PEX5L: variants seen among roughly 807,000 people sequenced by gnomAD.
PEX5L encodes peroxisomal biogenesis factor 5 like.
PEX5L carries 30 observed loss-of-function variants against 84.0 expected under a neutral mutation model. The observed-to-expected ratio is 0.36, with a 90% CI of 0.27 to 0.48. PEX5L has a LOEUF of 0.48. Among genes scored for constraint, PEX5L ranks in the 20% least tolerant of loss-of-function variants. The probability of loss-of-function intolerance (pLI) is 0.99; values close to 1 mark genes in which losing one functional copy is unlikely to be tolerated. For synonymous variants in PEX5L, 270 were observed against 283.1 expected (o/e 0.95, Z 0.46); for missense variants, 533 against 754.6 (o/e 0.71, Z 3.44).
intron 1 of PEX5L, among the ~76,000 whole-genome samples, chr3:179,975,522 A>G (rs951863483): frequency 6.6e-6 from 1 of 152,222 alleles, no homozygotes; most frequent in African/African-American, 2.4e-5. Context: ...GCCTAACTAC[A>G]GATGTCAAAA....
At chr3:179,826,167 T>C (rs182963588) in intron 8 of PEX5L, among the ~76,000 whole-genome samples, 2 of 152,088 alleles carry the variant, frequency 1.3e-5, no homozygotes, top group East Asian at 3.9e-4. Flanking sequence ...ATAAACAATA[T>C]AAGGTTCAAG....
At chr3:179,936,775 C>T (rs1282947500) in intron 2 of PEX5L, among the ~76,000 whole-genome samples, 2 of 104,446 alleles carry the variant, frequency 1.9e-5, no homozygotes, top group African/African-American at 7.3e-5. Context: ...GAGCCACCAG[C>T]CTTTCTCTGT....
intron 3 of PEX5L, among the ~76,000 whole-genome samples, chr3:179,891,196 T>C (rs1757516789): frequency 6.6e-6 from 1 of 152,168 alleles, no homozygotes; most frequent in African/African-American, 2.4e-5. Flanking sequence ...GTCTTGTTTC[T>C]GACCATAGTT....
intron 8 of PEX5L, among the ~76,000 whole-genome samples, chr3:179,845,756 T>C (rs2108377271): frequency 6.6e-6 from 1 of 152,300 alleles, no homozygotes; most frequent in Admixed American, 6.5e-5. Context: ...CAGCCCCTTC[T>C]CCACCATGAT....
chr3:179,902,745 T>C (rs919507493), intron 2 of PEX5L: 10 of 438,476 alleles, frequency 2.3e-5, no homozygotes, highest in Admixed American at 5.2e-5. Context: ...TAGTTGCAGA[T>C]TCTATTACTG....
intron 8 of PEX5L, among the ~76,000 whole-genome samples, chr3:179,853,408 G>C (rs1742691188): frequency 6.6e-6 from 1 of 152,156 alleles, no homozygotes; most frequent in Non-Finnish European, 1.5e-5. Context: ...TTGGCTTGTG[G>C]TTGCAGTGTG....
chr3:179,907,213 A>T (rs185768952), intron 2 of PEX5L, among the ~76,000 whole-genome samples: 44 of 148,744 alleles, frequency 3.0e-4, no homozygotes, highest in East Asian at 1.8e-3. Context: ...ATACCAAATT[A>T]AAAAAAAAAG....
intron 8 of PEX5L, among the ~76,000 whole-genome samples, chr3:179,836,340 T>C (rs1250409346): frequency 1.3e-5 from 2 of 152,214 alleles, no homozygotes; most frequent in African/African-American, 4.8e-5. Flanking sequence ...AGTAGAACTT[T>C]ACTGTGCACA....
intron 8 of PEX5L, among the ~76,000 whole-genome samples, chr3:179,835,699 T>C (rs1734686257): frequency 6.6e-6 from 1 of 152,190 alleles, no homozygotes; most frequent in Admixed American, 6.5e-5. Context: ...ACATTTTAAC[T>C]AAATATTTAA....
chr3:179,893,904 G>C (rs1280263839), intron 3 of PEX5L, among the ~76,000 whole-genome samples: 1 of 151,836 alleles, frequency 6.6e-6, no homozygotes, highest in African/African-American at 2.4e-5. Flanking sequence ...AAATATCTTT[G>C]TGAGTTTTGA....
intron 1 of PEX5L, among the ~76,000 whole-genome samples, chr3:179,989,511 T>C (rs1787187934): frequency 6.6e-6 from 1 of 152,238 alleles, no homozygotes. Context: ...TTATACATTA[T>C]ATTCCTACCA....
chr3:179,868,380 G>T (rs1749129673), intron 7 of PEX5L, among the ~76,000 whole-genome samples: 1 of 152,002 alleles, frequency 6.6e-6, no homozygotes, highest in Admixed American at 6.6e-5. Flanking sequence ...TAGGAAGTAG[G>T]TATGCGATAA....
intron 1 of PEX5L, among the ~76,000 whole-genome samples, chr3:180,013,698 G>T (rs1789685040): frequency 6.6e-6 from 1 of 152,100 alleles, no homozygotes; most frequent in African/African-American, 2.4e-5. Flanking sequence ...TTTAGCTATT[G>T]TAATTACTAC....
At chr3:179,824,804 A>G (rs942673601) in intron 8 of PEX5L, among the ~76,000 whole-genome samples, 20 of 152,058 alleles carry the variant, frequency 1.3e-4, no homozygotes, top group Admixed American at 7.2e-4. Flanking sequence ...CCAACAAACA[A>G]TTTTGCTGAA....
chr3:179,900,750 G>T, intron 2 of PEX5L: 1 of 1,530,212 alleles, frequency 6.5e-7, no homozygotes, highest in South Asian at 1.2e-5. Context: ...AAAGAGTCAT[G>T]ACACACCCAT....
chr3:180,005,682 T>G (rs1396566918), intron 1 of PEX5L, among the ~76,000 whole-genome samples: 2 of 151,492 alleles, frequency 1.3e-5, no homozygotes, highest in Non-Finnish European at 2.9e-5. Flanking sequence ...TGAGCAGAGA[T>G]AGCGCCACTG....
chr3:179,842,973 A>C (rs902401321), intron 8 of PEX5L, among the ~76,000 whole-genome samples: 1 of 152,114 alleles, frequency 6.6e-6, no homozygotes, highest in African/African-American at 2.4e-5. Context: ...ACTCAATCAC[A>C]AATTCAATCA....
At chr3:179,999,903 T>C (rs997116480) in intron 1 of PEX5L, among the ~76,000 whole-genome samples, 7 of 152,178 alleles carry the variant, frequency 4.6e-5, no homozygotes, top group African/African-American at 1.4e-4. Context: ...AAGGCACAAT[T>C]ACAACGCCAA....
intron 10 of PEX5L, among the ~76,000 whole-genome samples, chr3:179,812,650 T>C (rs994984215): frequency 1.4e-4 from 22 of 152,216 alleles, no homozygotes; most frequent in African/African-American, 3.6e-4. Context: ...TGTTTTTATA[T>C]CTAGAATTAA....
Sources: gnomAD v4.1 joint callset for allele counts (sites outside exome capture counted in the v4.1 genomes callset) on GRCh38, gnomAD v4.1.1 for gene constraint, MANE v1.5 for transcripts, NCBI Gene and HGNC (gene_info 2026-07-23, HGNC 2026-07-21) for gene names.